RBFOX3: variants seen among roughly 807,000 people sequenced by gnomAD.
The protein encoded by RBFOX3 is RNA binding protein fox-1 homolog 3.
RBFOX3 carries 17 observed loss-of-function variants against 48.7 expected under a neutral mutation model. That is an observed-to-expected ratio of 0.35 (90% CI 0.24 to 0.52). The LOEUF is 0.52. RBFOX3 is among the 20% of genes least tolerant of loss of function. The pLI is 0.94. For synonymous variants in RBFOX3, 212 were observed against 209.5 expected, an observed-to-expected ratio of 1.01 and a Z score of -0.10; for missense variants, 382 against 497.5, an observed-to-expected ratio of 0.77 and a Z score of 2.21.
intron 5 of RBFOX3, among the ~76,000 whole-genome samples, chr17:79,114,852 T>G (rs970344466): frequency 6.6e-6 from 1 of 152,130 alleles, no homozygotes; most frequent in African/African-American, 2.4e-5. Context: ...GCCTGGTTTT[T>G]GTACCCAGAG....
In RBFOX3 at chr17:79,315,479, C is replaced by T. The variant is rs764581719; in HGVS notation, c.-174-7655G>A. Among the ~76,000 whole-genome samples, 45 of 152,262 alleles carry T rather than the reference C, an allele frequency of 3.0e-4. 1 individual carries two copies. The highest frequency in any genetic ancestry group is 1.5e-4 in the Non-Finnish European group (10 of 68,050). ...GTGAAAAGAGCCACCTCTCCCATCC[C>T]CCGACAGATGGGACCCGCAGGGGTA... On this transcript the variant is annotated intron_variant, in intron 2 of 14. Transcript: ENST00000693108.
intron 3 of RBFOX3, among the ~76,000 whole-genome samples, chr17:79,259,505 C>T (rs1242475924): frequency 6.6e-6 from 1 of 152,194 alleles, no homozygotes; most frequent in Non-Finnish European, 1.5e-5. Context: ...AGACAAGCTG[C>T]AAACCAGCTG....
intron 2 of RBFOX3, among the ~76,000 whole-genome samples, chr17:79,389,475 G>T (rs917381713): frequency 2.0e-5 from 3 of 152,184 alleles, no homozygotes; most frequent in Non-Finnish European, 4.4e-5. Flanking sequence ...AGCCCTTGAG[G>T]GGGTATTTAC....
At chr17:79,132,322 G>A (rs906766140) in intron 4 of RBFOX3, among the ~76,000 whole-genome samples, 18 of 152,130 alleles carry the variant, frequency 1.2e-4, no homozygotes, top group Non-Finnish European at 2.2e-4. Flanking sequence ...CTGCACTTAG[G>A]GTAAGCAAAG....
intron 1 of RBFOX3, among the ~76,000 whole-genome samples, chr17:79,521,248 A>G (rs965703964): frequency 2.7e-4 from 41 of 151,082 alleles, no homozygotes; most frequent in African/African-American, 8.2e-4. Context: ...ATGCCCAGGC[A>G]CACACACACT....
intron 2 of RBFOX3, among the ~76,000 whole-genome samples, chr17:79,455,531 T>C (rs2074323023): frequency 6.6e-6 from 1 of 151,916 alleles, no homozygotes; most frequent in South Asian, 2.1e-4. Flanking sequence ...CGTGAAACCT[T>C]TGAGCAGAGG....
intron 4 of RBFOX3, among the ~76,000 whole-genome samples, chr17:79,184,050 G>A (rs2052855586): frequency 6.6e-6 from 1 of 152,260 alleles, no homozygotes; most frequent in Non-Finnish European, 1.5e-5. Context: ...GCCTCGTCCT[G>A]TTTCGCGTTC....
At chr17:79,268,003 A>G (rs1377121343) in intron 3 of RBFOX3, among the ~76,000 whole-genome samples, 3 of 152,158 alleles carry the variant, frequency 2.0e-5, no homozygotes, top group Non-Finnish European at 4.4e-5. Context: ...CAACCTGCAC[A>G]TGTCAAAAAT....
rs113000644 is a variant in RBFOX3 at position 79,137,492 on chromosome 17, G to A, written c.-33-21744C>T. Among the ~76,000 whole-genome samples the A allele has an allele frequency of 6.6e-5, 10 of 152,306 alleles. No homozygotes were observed. In the South Asian group the frequency reaches 2.1e-3, roughly 32 times the overall value. ...ACCCCTCCACACACACGCGCCTGCA[G>A]TGATCGTGCACGCAGCAGTGCACCT... On this transcript the variant is annotated intron_variant, in intron 4 of 14. Coordinates refer to ENST00000693108, the MANE Select transcript of RBFOX3 (RefSeq NM_001350451.2).
rs1400039312 is a variant in RBFOX3 at position 79,205,474 on chromosome 17, G to A, written c.-34+30292C>T. Among the ~76,000 whole-genome samples the A allele has an allele frequency of 6.6e-6, 1 of 152,114 alleles. No individual in the cohort carries two copies. Among genetic ancestry groups the A allele is most frequent in the African/African-American group, 2.4e-5 (1 of 41,400 alleles). ...AATATGAGTTCCCTGACGTAGGAGT[G>A]CCAAATGGGAGCCTATAAAACCTCC... is the stretch of plus-strand genomic sequence containing the variant. On this transcript the variant is annotated intron_variant, in intron 4 of 14. Coordinates refer to ENST00000693108, the MANE Select transcript of RBFOX3 (RefSeq NM_001350451.2). This position sits in a 1 kb window ranked among gnomAD's most constrained non-coding sequence, Gnocchi z 4.5.
At chr17:79,610,249 G>A (rs1459770015) in intron 1 of RBFOX3, among the ~76,000 whole-genome samples, 1 of 152,050 alleles carries the variant, frequency 6.6e-6, no homozygotes, top group Admixed American at 6.5e-5. Flanking sequence ...TCCTTTCAGA[G>A]GACCCCGGCA....
At chr17:79,426,745 C>A (rs767808945) in intron 2 of RBFOX3, among the ~76,000 whole-genome samples, 1 of 152,094 alleles carries the variant, frequency 6.6e-6, no homozygotes, top group Non-Finnish European at 1.5e-5. Flanking sequence ...ACTCTTGTTG[C>A]CCAGGCTGGA....
chr17:79,093,550 A>AGC (rs2074434269), intron 14 of RBFOX3, among the ~76,000 whole-genome samples: 1 of 68,402 alleles, frequency 1.5e-5, no homozygotes, highest in Non-Finnish European at 3.1e-5. Context: ...TAAAAATTGA[A>AGC]AAAAAAAAAA....
At chr17:79,572,854 G>A (rs891971582) in intron 1 of RBFOX3, among the ~76,000 whole-genome samples, 4 of 152,108 alleles carry the variant, frequency 2.6e-5, no homozygotes, top group Admixed American at 1.3e-4. Flanking sequence ...CTGCCCTGAG[G>A]TGCCTTCCGG....
At chr17:79,464,366 G>A (rs2076038921) in intron 2 of RBFOX3, among the ~76,000 whole-genome samples, 1 of 152,256 alleles carries the variant, frequency 6.6e-6, no homozygotes, top group Non-Finnish European at 1.5e-5. Flanking sequence ...CTTTGTGCCT[G>A]CCCAAGGTGC....
chr17:79,553,901 T>C (rs1301026997), intron 1 of RBFOX3, among the ~76,000 whole-genome samples: 2 of 152,202 alleles, frequency 1.3e-5, no homozygotes, highest in East Asian at 3.9e-4. Flanking sequence ...TCCTGGCTAA[T>C]TTTTGTATTT....
At chr17:79,406,819 C>T (rs1158650796) in intron 2 of RBFOX3, among the ~76,000 whole-genome samples, 3 of 152,186 alleles carry the variant, frequency 2.0e-5, no homozygotes, top group Non-Finnish European at 4.4e-5. Context: ...TGGATGCTTA[C>T]TGAGCAGCCA....
intron 1 of RBFOX3, among the ~76,000 whole-genome samples, chr17:79,499,304 A>G (rs542277386): frequency 6.6e-6 from 1 of 151,496 alleles, no homozygotes; most frequent in Non-Finnish European, 1.5e-5. Context: ...TTCATCCACT[A>G]TTCATTCATG....
chr17:79,587,996 T>C (rs984652379), intron 1 of RBFOX3, among the ~76,000 whole-genome samples: 19 of 152,312 alleles, frequency 1.2e-4, no homozygotes, highest in African/African-American at 4.1e-4. Flanking sequence ...CCACCATGCC[T>C]GGCTCTTTTT....
Sources: gnomAD v4.1 joint callset for allele counts (sites outside exome capture counted in the v4.1 genomes callset) on GRCh38, gnomAD v4.1.1 for gene constraint, Gnocchi (gnomAD v3.1) non-coding constraint, MANE v1.5 for transcripts, NCBI Gene and HGNC (gene_info 2026-07-23, HGNC 2026-07-21) for gene names.